SLC30A9: variants seen among roughly 807,000 people sequenced by gnomAD.
The protein encoded by SLC30A9 is solute carrier family 30 member 9.
Under a neutral mutation model 87.5 loss-of-function variants are expected in SLC30A9, and 58 were observed. That is an observed-to-expected ratio of 0.66 (90% CI 0.54 to 0.82). The LOEUF (loss-of-function observed/expected upper bound fraction) is 0.82, where lower values mean the gene tolerates loss of function less well. SLC30A9 is among the 40% of genes least tolerant of loss of function. SLC30A9 has a pLI of 0.00. For synonymous variants in SLC30A9, 234 were observed against 233.0 expected (o/e 1.00, Z -0.04); for missense variants, 557 against 679.1 (o/e 0.82, Z 2.00).
chr4:42,019,346 A>G (rs1055292801), intron 3 of SLC30A9, among the ~76,000 whole-genome samples: 2 of 152,220 alleles, frequency 1.3e-5, no homozygotes, highest in Admixed American at 1.3e-4. Flanking sequence ...ATTTATTAAC[A>G]TAGACCAATG....
chr4:42,018,780 A>G (rs1159491188), intron 3 of SLC30A9, among the ~76,000 whole-genome samples: 1 of 152,174 alleles, frequency 6.6e-6, no homozygotes, highest in Non-Finnish European at 1.5e-5. Context: ...GGTGCTGAAA[A>G]TGAGACTTCT....
chr4:42,067,029 A>G (rs886498725), intron 13 of SLC30A9, 56 bp from the exon 14 acceptor site: 1 of 940,320 alleles, frequency 1.1e-6, no homozygotes, highest in East Asian at 2.4e-5. Context: ...GTTACCTGAT[A>G]GTATCAAGTT....
intron 2 of SLC30A9, among the ~76,000 whole-genome samples, chr4:42,017,458 T>C (rs1715772528): frequency 1.3e-5 from 2 of 152,048 alleles, no homozygotes; most frequent in South Asian, 2.1e-4. Flanking sequence ...TTTCTTGTGT[T>C]GTTTATATCT....
chr4:42,022,662 T>G (rs1348627008), intron 4 of SLC30A9, among the ~76,000 whole-genome samples, 176 bp from the exon 5 acceptor site: 1 of 152,200 alleles, frequency 6.6e-6, no homozygotes, highest in Non-Finnish European at 1.5e-5. Flanking sequence ...TTTCACTGTC[T>G]CTATTTTTTG....
At chr4:42,075,231 G>A (rs569937092) in intron 15 of SLC30A9, among the ~76,000 whole-genome samples, 1 of 150,310 alleles carries the variant, frequency 6.7e-6, no homozygotes, top group African/African-American at 2.4e-5. Context: ...GCACCACCAT[G>A]CCTGGCTAAT....
At position 42,078,292 on chromosome 4, in the gene SLC30A9, A is replaced by C. The variant is rs1464580689; in HGVS notation, c.1629A>C (p.Gly543=). The C allele has an allele frequency of 6.4e-7, 1 of 1,568,972 alleles. No homozygotes were observed. Among genetic ancestry groups the C allele is most frequent in the Non-Finnish European group, 8.7e-7 (1 of 1,143,916 alleles). The change falls in exon 17 of 18, where the codon GGA becomes GGC. Residue 543 remains glycine, a synonymous_variant. Coordinates refer to ENST00000264451, the MANE Select transcript of SLC30A9 (RefSeq NM_006345.4). ...KHGENIIDTL[G]AEVDRLEKEL... is the part of the protein sequence containing the mutation. ...GAGAAAATATTATTGATACTTTAGG[A>C]GCTGAAGTAGATAGACTTGAGAAGG... is the stretch of plus-strand genomic sequence containing the variant.
intron 1 of SLC30A9, among the ~76,000 whole-genome samples, chr4:41,994,108 G>C (rs1351130744): frequency 6.6e-6 from 1 of 151,958 alleles, no homozygotes; most frequent in Non-Finnish European, 1.5e-5. Context: ...AGTGAGCTGA[G>C]ATTGCGCCAC....
rs910106132 is a variant in SLC30A9 at position 41,990,559 on chromosome 4, G to A, written c.-93G>A. ...AGCTTGTGGCGGCGAAGCCATCGGT[G>A]TTCGCTGATGTCCAGTCTATGGAGT... On this transcript the variant is annotated 5_prime_UTR_variant, in exon 1 of 18. Coordinates refer to ENST00000264451, the MANE Select transcript of SLC30A9 (RefSeq NM_006345.4). 1.1e-5 allele frequency: 8 copies of A among 709,142 alleles called. No individual in the cohort carries two copies. Among genetic ancestry groups the A allele is most frequent in the Non-Finnish European group, 1.8e-5 (8 of 436,942 alleles). The allele number at this position is 709,142 out of a possible 1,614,324, so 43.9% of individuals were successfully genotyped here. A position where few individuals can be genotyped will look rare whatever the true frequency, so the allele number is the denominator to read the frequency against.
At chr4:42,063,686 C>T (rs1262515452) in intron 11 of SLC30A9, among the ~76,000 whole-genome samples, 1 of 152,180 alleles carries the variant, frequency 6.6e-6, no homozygotes, top group Non-Finnish European at 1.5e-5. Context: ...AAACATACCA[C>T]TTTACTGACT....
intron 6 of SLC30A9, chr4:42,029,822 G>T: frequency 1.4e-6 from 1 of 726,444 alleles, no homozygotes; most frequent in Non-Finnish European, 2.6e-6. Flanking sequence ...CAGTGATGAA[G>T]TATAACGCAT....
chr4:42,089,784 T>G lies in SLC30A9; in HGVS notation c.*3658T>G, dbSNP rs950520519. ...CTCCAAAGAGGTAAGTTCCTGAACA[T>G]ACACTAAAGAACCTGTGAGATAAGA... On this transcript the variant is annotated 3_prime_UTR_variant, in exon 18 of 18. Coordinates refer to ENST00000264451, the MANE Select transcript of SLC30A9 (RefSeq NM_006345.4). 3.3e-4 allele frequency: 50 copies of G among 152,194 alleles called. No homozygotes were observed. Among genetic ancestry groups the G allele is most frequent in the African/African-American group, 1.1e-3 (46 of 41,450 alleles). 9.4% of individuals were successfully genotyped at this position (152,194 alleles called of 1,614,324 possible).
intron 15 of SLC30A9, among the ~76,000 whole-genome samples, chr4:42,071,217 GA>G (rs1718296533): frequency 6.6e-6 from 1 of 151,972 alleles, no homozygotes; most frequent in South Asian, 2.1e-4. Context: ...CAGCAGAAGA[GA>G]TACAGAATTC....
chr4:42,052,598 C>T (rs1717421574), intron 9 of SLC30A9, among the ~76,000 whole-genome samples: 1 of 152,304 alleles, frequency 6.6e-6, no homozygotes, highest in East Asian at 1.9e-4. Flanking sequence ...TTTACATGGC[C>T]CGTGCCTTTC....
At chr4:42,074,469 T>TAA (rs930472177) in intron 15 of SLC30A9, among the ~76,000 whole-genome samples, 3 of 152,116 alleles carry the variant, frequency 2.0e-5, no homozygotes, top group African/African-American at 7.2e-5. Context: ...CTAGGGAAGA[T>TAA]TGTTTACTGA....
chr4:42,078,120 G>A lies in SLC30A9; in HGVS notation c.1549-92G>A, dbSNP rs895091650. The A allele has an allele frequency of 3.4e-4, 203 of 601,652 alleles. 1 individual carries two copies. Among genetic ancestry groups the A allele is most frequent in the Middle Eastern group, 4.6e-4 (1 of 2,194 alleles). 37.3% of individuals were successfully genotyped at this position (601,652 alleles called of 1,614,324 possible). A position where few individuals can be genotyped will look rare whatever the true frequency, so the allele number is the denominator to read the frequency against. ...AAAAATGTTCATTAAACTTAATGGC[G>A]TTTGTTATAGGTTTGTTTTTTTTTA... On this transcript the variant is annotated intron_variant, in intron 16 of 17. Transcript: ENST00000264451.
intron 6 of SLC30A9, among the ~76,000 whole-genome samples, chr4:42,028,890 T>C (rs1716301330): frequency 6.6e-6 from 1 of 152,200 alleles, no homozygotes; most frequent in Non-Finnish European, 1.5e-5. Flanking sequence ...AAAATTAGGT[T>C]TTGCTGCAGA....
intron 8 of SLC30A9, among the ~76,000 whole-genome samples, chr4:42,047,540 C>T (rs1717214142): frequency 1.3e-5 from 2 of 152,198 alleles, no homozygotes; most frequent in Admixed American, 1.3e-4. Flanking sequence ...TTCTATCTCA[C>T]GCCAGTTAGA....
intron 8 of SLC30A9, among the ~76,000 whole-genome samples, chr4:42,042,429 C>T (rs1271390578): frequency 1.3e-5 from 2 of 152,080 alleles, no homozygotes; most frequent in Non-Finnish European, 2.9e-5. Flanking sequence ...AGGCAGTTTT[C>T]CCCTCACAGT....
intron 1 of SLC30A9, among the ~76,000 whole-genome samples, chr4:41,991,061 C>T (rs993147917): frequency 6.6e-6 from 1 of 152,238 alleles, no homozygotes; most frequent in African/African-American, 2.4e-5. Flanking sequence ...GTGCGCATCG[C>T]GGTGTCCCGC....
Sources: allele counts gnomAD v4.1 joint callset (sites outside exome capture counted in the v4.1 genomes callset), GRCh38; gene constraint gnomAD v4.1.1; transcripts MANE v1.5; gene names NCBI Gene and HGNC (gene_info 2026-07-23, HGNC 2026-07-21).